The following MGAT4C variants were observed in gnomAD, a reference collection of about 807,000 sequenced individuals.
MGAT4C encodes alpha-1,3-mannosyl-glycoprotein 4-beta-N-acetylglucosaminyltransferase C.
MGAT4C carries 19 observed loss-of-function variants against 40.1 expected under a neutral mutation model. The observed-to-expected ratio is 0.47, with a 90% CI of 0.33 to 0.70. The LOEUF (loss-of-function observed/expected upper bound fraction) is 0.70, where lower values mean the gene tolerates loss of function less well. MGAT4C is among the 30% of genes least tolerant of loss of function. The probability of loss-of-function intolerance (pLI) is 0.02; values close to 1 mark genes in which losing one functional copy is unlikely to be tolerated. For synonymous variants in MGAT4C, 181 were observed against 187.1 expected, an observed-to-expected ratio of 0.97 and a Z score of 0.27; for missense variants, 491 against 563.2, an observed-to-expected ratio of 0.87 and a Z score of 1.30.
chr12:86,057,706 A>G (rs1893545313), intron 1 of MGAT4C, among the ~76,000 whole-genome samples: 2 of 152,152 alleles, frequency 1.3e-5, no homozygotes. Flanking sequence ...CAACGCTGTA[A>G]CCTCAAGGGC....
intron 2 of MGAT4C, among the ~76,000 whole-genome samples, chr12:86,580,187 T>C (rs1391434568): frequency 6.6e-6 from 1 of 151,546 alleles, no homozygotes. Context: ...ATCTCCAGTG[T>C]AATTTCTATT....
At chr12:86,493,541 G>A (rs529387062) in intron 2 of MGAT4C, among the ~76,000 whole-genome samples, 210 of 151,320 alleles carry the variant, frequency 1.4e-3, no homozygotes, top group African/African-American at 4.8e-3. Flanking sequence ...GTAAACTATC[G>A]CAAGGACAAA....
intron 4 of MGAT4C, among the ~76,000 whole-genome samples, chr12:86,286,055 C>CT (rs1255950718): frequency 1.3e-5 from 2 of 151,884 alleles, no homozygotes; most frequent in African/African-American, 2.4e-5. Context: ...CTTTATTTTT[C>CT]TTTTTTCTAT....
At chr12:86,588,345 A>G (rs959311774) in intron 2 of MGAT4C, among the ~76,000 whole-genome samples, 4 of 152,030 alleles carry the variant, frequency 2.6e-5, no homozygotes, top group African/African-American at 9.7e-5. Flanking sequence ...TTCAACAAGA[A>G]GAGCTAACTA....
chr12:86,363,933 A>C lies in MGAT4C; in HGVS notation c.-119-29806T>G, dbSNP rs1566324932. ...TGAATAAACCAATTTATTAAGAAAA[A>C]AATTACCAAATCTCTTTCTCACTCT... is the stretch of plus-strand genomic sequence containing the variant. On this transcript the variant is annotated intron_variant, in intron 3 of 7. Transcript: ENST00000548651. 4.0e-5 allele frequency among the ~76,000 whole-genome samples: 6 copies of C among 150,888 alleles called. No homozygotes were observed. In the South Asian group the frequency reaches 1.3e-3, roughly 32 times the overall value.
At chr12:86,752,598 T>C (rs1951243774) in intron 1 of MGAT4C, among the ~76,000 whole-genome samples, 1 of 152,100 alleles carries the variant, frequency 6.6e-6, no homozygotes, top group Non-Finnish European at 1.5e-5. Context: ...TATCAATATC[T>C]TAACAATATT....
intron 3 of MGAT4C, among the ~76,000 whole-genome samples, chr12:86,346,041 A>G (rs959280486): frequency 1.3e-5 from 2 of 152,212 alleles, no homozygotes; most frequent in Non-Finnish European, 2.9e-5. Context: ...TTACAGAAAT[A>G]GCAAAAAGGG....
At chr12:86,090,923 T>G (rs1359844221) in intron 1 of MGAT4C, among the ~76,000 whole-genome samples, 1 of 151,952 alleles carries the variant, frequency 6.6e-6, no homozygotes. Context: ...ATTTACCATT[T>G]AAGAAGAATA....
At chr12:86,319,575 G>A (rs781761588) in intron 4 of MGAT4C, among the ~76,000 whole-genome samples, 4 of 152,132 alleles carry the variant, frequency 2.6e-5, no homozygotes, top group Admixed American at 1.3e-4. Flanking sequence ...TGTCAAGAAT[G>A]GTAATACTTG....
At position 85,979,767 on chromosome 12, in the gene MGAT4C, C is replaced by T. The variant is rs2136681616; in HGVS notation, c.959G>A (p.Gly320Glu). ...QHMGYYSSYK[G>E]TENKLKDDDF... ...ATCATCCTTCAGCTTATTCTCCGTC[C>T]CTTTGTATGATGAATAATAGCCCAT... The change falls in exon 5 of 5, where the codon GGG (glycine) becomes GAG (glutamate). Residue 320 changes from glycine (G) to glutamate (E), a missense_variant. By Grantham distance (98) the Gly-to-Glu change is moderately conservative (BLOSUM62 -2). Transcript: ENST00000611864. The T allele has an allele frequency of 1.9e-6, 3 of 1,613,458 alleles. No individual in the cohort carries two copies. Among genetic ancestry groups the T allele is most frequent in the Non-Finnish European group, 2.5e-6 (3 of 1,179,774 alleles).
chr12:86,083,721 G>A (rs1871257816), intron 1 of MGAT4C, among the ~76,000 whole-genome samples: 1 of 152,016 alleles, frequency 6.6e-6, no homozygotes, highest in Non-Finnish European at 1.5e-5. Context: ...TCCTTGCCAA[G>A]TCTTTCTGCT....
At chr12:86,570,062 G>C (rs1009579503) in intron 2 of MGAT4C, among the ~76,000 whole-genome samples, 5 of 152,012 alleles carry the variant, frequency 3.3e-5, no homozygotes, top group African/African-American at 1.2e-4. Flanking sequence ...GCAAAGGCTG[G>C]GGAAATGCTG....
At chr12:86,103,633 T>C (rs1875542029) in intron 1 of MGAT4C, among the ~76,000 whole-genome samples, 2 of 152,128 alleles carry the variant, frequency 1.3e-5, no homozygotes, top group South Asian at 4.1e-4. Context: ...CACATCCTTT[T>C]TGTTTTTTTC....
intron 3 of MGAT4C, among the ~76,000 whole-genome samples, chr12:86,422,461 C>T (rs189376997): frequency 7.2e-5 from 11 of 152,258 alleles, no homozygotes; most frequent in Admixed American, 4.6e-4. Flanking sequence ...TATCATTTTT[C>T]AACCCTTGAC....
At chr12:86,545,355 G>A (rs1262151617) in intron 2 of MGAT4C, among the ~76,000 whole-genome samples, 2 of 151,892 alleles carry the variant, frequency 1.3e-5, no homozygotes, top group African/African-American at 2.4e-5. Flanking sequence ...ATATGAAATG[G>A]TAATTTTGAT....
intron 1 of MGAT4C, among the ~76,000 whole-genome samples, chr12:86,773,513 CACAA>C (rs773191026): frequency 2.0e-5 from 3 of 152,104 alleles, no homozygotes; most frequent in South Asian, 2.1e-4. Context: ...AGGCAACCAA[CACAA>C]ACAAACAAAC....
At chr12:86,502,078 C>T (rs868192229) in intron 2 of MGAT4C, among the ~76,000 whole-genome samples, 4 of 151,984 alleles carry the variant, frequency 2.6e-5, no homozygotes, top group African/African-American at 9.7e-5. Context: ...CATAATTCAA[C>T]AAGATGTCCT....
intron 1 of MGAT4C, among the ~76,000 whole-genome samples, chr12:86,825,927 T>C (rs748342270): frequency 6.6e-5 from 10 of 151,396 alleles, no homozygotes; most frequent in Non-Finnish European, 1.3e-4. Flanking sequence ...AAAATAATTT[T>C]CTCCAAAAGA....
chr12:85,989,431 A>T lies in MGAT4C; in HGVS notation c.116T>A (p.Met39Lys), dbSNP rs1201647681. ...LGVLVIFLLF[M>K]NLYIEDSYVL... is the part of the protein sequence containing the mutation. ...ATAGCTATCTTCAATGTACAAGTTC[A>T]TAAAAAGGAGAAAAATGACAAGAAC... Residue 39 changes from methionine to lysine, a missense_variant, in exon 3 of 5, where the codon ATG becomes AAG. Physicochemically the swap from Met to Lys is moderately conservative, Grantham distance 95. Transcript: ENST00000611864. 1.9e-6 allele frequency: 3 copies of T among 1,608,288 alleles called. No individual in the cohort carries two copies. Among genetic ancestry groups the T allele is most frequent in the Non-Finnish European group, 8.5e-7 (1 of 1,177,326 alleles).
Sources: gnomAD v4.1 joint callset for allele counts (sites outside exome capture counted in the v4.1 genomes callset) on GRCh38, gnomAD v4.1.1 for gene constraint, MANE v1.5 for transcripts, NCBI Gene and HGNC (gene_info 2026-07-23, HGNC 2026-07-21) for gene names.